Variants in FRZB observed in about 807,000 individuals in gnomAD.
FRZB encodes the protein frizzled related protein.
A neutral mutation model predicts 32.5 loss-of-function variants in FRZB; 34 were observed. That is an observed-to-expected ratio of 1.05 (90% CI 0.80 to 1.39). FRZB has a LOEUF of 1.39. Among genes scored for constraint, FRZB ranks in the 40% most tolerant of loss-of-function variants. The probability of loss-of-function intolerance (pLI) is 0.00; values close to 1 mark genes in which losing one functional copy is unlikely to be tolerated. For missense variants in FRZB, 423 were observed against 424.8 expected, an observed-to-expected ratio of 1.00 and a Z score of 0.04; for synonymous variants, 170 against 159.2, an observed-to-expected ratio of 1.07 and a Z score of -0.51.
At chr2:182,837,660 G>A (rs150694371) in intron 5 of FRZB, among the ~76,000 whole-genome samples, 90 of 152,032 alleles carry the variant, frequency 5.9e-4, no homozygotes, top group Admixed American at 1.7e-3. Flanking sequence ...GAAGGAGCCT[G>A]ACAACATGAA....
chr2:182,843,599 A>C (rs757447144), intron 2 of FRZB, among the ~76,000 whole-genome samples: 2 of 152,156 alleles, frequency 1.3e-5, no homozygotes, highest in Non-Finnish European at 2.9e-5. Flanking sequence ...TAGAGAAAGG[A>C]CATCAACAAA....
chr2:182,840,417 A>G (rs1018961388), intron 3 of FRZB, among the ~76,000 whole-genome samples: 1 of 152,128 alleles, frequency 6.6e-6, no homozygotes, highest in African/African-American at 2.4e-5. Context: ...TGTTTAGCAC[A>G]TGTACCCACT....
intron 2 of FRZB, among the ~76,000 whole-genome samples, chr2:182,845,939 C>A (rs1046502209): frequency 2.6e-5 from 4 of 152,142 alleles, no homozygotes; most frequent in African/African-American, 9.7e-5. Flanking sequence ...AGTTAACATG[C>A]CCAGTACTTC....
intron 1 of FRZB, among the ~76,000 whole-genome samples, chr2:182,861,345 C>G (rs2105764472): frequency 6.6e-6 from 1 of 152,316 alleles, no homozygotes; most frequent in African/African-American, 2.4e-5. Flanking sequence ...CCTTGGCTTC[C>G]TTTTCTCCAA....
intron 1 of FRZB, among the ~76,000 whole-genome samples, chr2:182,864,764 T>A (rs1006836938): frequency 6.6e-6 from 1 of 152,144 alleles, no homozygotes; most frequent in Admixed American, 6.5e-5. Flanking sequence ...GGAAATGGAC[T>A]GGGGACATGC....
At position 182,834,826 on chromosome 2, in the gene FRZB, T is replaced by C; in HGVS notation, c.*23A>G. 1 of 1,542,238 alleles carries C rather than the reference T, an allele frequency of 6.5e-7. No individual in the cohort carries two copies. Among genetic ancestry groups the C allele is most frequent in the Non-Finnish European group, 9.0e-7 (1 of 1,115,046 alleles). ...GTAAGTCTTAATAGGAAGTCCACTG[T>C]GTTACTTTTTGTATTTCGGGATTTA... On this transcript the variant is annotated 3_prime_UTR_variant, in exon 6 of 6. Transcript: ENST00000295113.
chr2:182,858,732 A>G, intron 2 of FRZB, 54 bp downstream of exon 2: 4 of 1,382,324 alleles, frequency 2.9e-6, no homozygotes, highest in Non-Finnish European at 3.1e-6. Flanking sequence ...TCTAAATTAC[A>G]TCAATGACTA....
At chr2:182,854,431 A>G (rs1456820783) in intron 2 of FRZB, among the ~76,000 whole-genome samples, 2 of 152,224 alleles carry the variant, frequency 1.3e-5, no homozygotes, top group Non-Finnish European at 2.9e-5. Flanking sequence ...AAATAATACC[A>G]TAAAACTATA....
intron 4 of FRZB, 91 bp downstream of exon 4, chr2:182,838,318 G>A (rs574542486): frequency 7.4e-5 from 81 of 1,089,474 alleles, no homozygotes; most frequent in Non-Finnish European, 1.0e-4. Context: ...AGATCCCAAT[G>A]TAAAAATGCG....
intron 2 of FRZB, 134 bp downstream of exon 2, chr2:182,858,652 A>G (rs963321456): frequency 2.2e-5 from 13 of 581,354 alleles, no homozygotes; most frequent in Middle Eastern, 2.7e-4. Flanking sequence ...AAATTAATAT[A>G]AATGAGGGAA....
At chr2:182,842,404 C>T (rs1695596085) in intron 3 of FRZB, 74 bp downstream of exon 3, 3 of 1,035,596 alleles carry the variant, frequency 2.9e-6, no homozygotes, top group East Asian at 4.8e-5. Flanking sequence ...TTTACATGTG[C>T]ACATCCTCAT....
chr2:182,855,183 T>G (rs976059114), intron 2 of FRZB, among the ~76,000 whole-genome samples: 1 of 151,990 alleles, frequency 6.6e-6, no homozygotes, highest in Non-Finnish European at 1.5e-5. Flanking sequence ...TTGCTAAAAT[T>G]AAAAAAAGAA....
chr2:182,841,051 C>T (rs752757391), intron 3 of FRZB, among the ~76,000 whole-genome samples: 33 of 152,190 alleles, frequency 2.2e-4, no homozygotes, highest in Non-Finnish European at 3.4e-4. Flanking sequence ...TTAAGGGCTC[C>T]CTTTTCCCTA....
chr2:182,835,711 T>C (rs1695517632), intron 5 of FRZB, among the ~76,000 whole-genome samples: 1 of 152,094 alleles, frequency 6.6e-6, no homozygotes, highest in Admixed American at 6.6e-5. Flanking sequence ...ACGGATATCA[T>C]ATGGGGAATT....
Position 182,842,393 on chromosome 2 carries a change from G to A in FRZB, c.592+85C>T, listed in dbSNP as rs1229207592. The stretch of plus-strand genomic sequence containing the variant: ...GCCTTATTCTTAAATGGCTCCACTC[G>A]TTTACATGTGCACATCCTCATAGGT... On this transcript the variant is annotated intron_variant, in intron 3 of 5. Coordinates refer to ENST00000295113, the MANE Select transcript of FRZB (RefSeq NM_001463.4). 1.9e-5 allele frequency: 18 copies of A among 939,910 alleles called. No homozygotes were observed. The East Asian group carries it at 3.7e-4, about 19-fold the overall frequency. 58.2% of individuals were successfully genotyped at this position (939,910 alleles called of 1,614,324 possible).
intron 1 of FRZB, among the ~76,000 whole-genome samples, chr2:182,864,925 T>C (rs1405724754): frequency 6.6e-6 from 1 of 152,190 alleles, no homozygotes; most frequent in African/African-American, 2.4e-5. Flanking sequence ...AAAATTGCCT[T>C]CTTTATAAAA....
Position 182,836,232 on chromosome 2 carries a change from T to A in FRZB, c.862-1267A>T, listed in dbSNP as rs186842675. ...TAATGTTTCTTATAAAATTATTGAT[T>A]CATCCACTGAGAGCAAAACTCAGCT... On this transcript the variant is annotated intron_variant, in intron 5 of 5. Transcript: ENST00000295113. 3.0e-3 allele frequency among the ~76,000 whole-genome samples: 450 copies of A among 152,128 alleles called. 8 individuals are homozygous for A. Among genetic ancestry groups the A allele is most frequent in the African/African-American group, 0.01 (432 of 41,548 alleles).
At chr2:182,855,608 G>A (rs558699109) in intron 2 of FRZB, among the ~76,000 whole-genome samples, 9 of 152,216 alleles carry the variant, frequency 5.9e-5, no homozygotes, top group African/African-American at 1.7e-4. Flanking sequence ...CTAAACAAGA[G>A]AGAAAAAAGA....
intron 3 of FRZB, among the ~76,000 whole-genome samples, chr2:182,842,066 C>T (rs959733388): frequency 2.0e-5 from 3 of 152,120 alleles, no homozygotes; most frequent in African/African-American, 7.2e-5. Context: ...CTGAAGAAGT[C>T]AAGTTTGAGT....
Sources: allele counts gnomAD v4.1 joint callset (sites outside exome capture counted in the v4.1 genomes callset), GRCh38; gene constraint gnomAD v4.1.1; transcripts MANE v1.5; gene names NCBI Gene and HGNC (gene_info 2026-07-23, HGNC 2026-07-21).